The following UGT1A6 variants were observed in gnomAD, a reference collection of about 807,000 sequenced individuals.
UGT1A6 encodes the protein UDP-glucuronosyltransferase 1A6.
A neutral mutation model predicts 44.4 loss-of-function variants in UGT1A6; 32 were observed. That is an observed-to-expected ratio of 0.72 (90% CI 0.54 to 0.97). The LOEUF is 0.97. Ranked by LOEUF, UGT1A6 falls within the 50% of genes least tolerant of loss-of-function variation. The pLI is 0.00. For synonymous variants in UGT1A6, 238 were observed against 248.5 expected, an observed-to-expected ratio of 0.96 and a Z score of 0.40; for missense variants, 685 against 661.9, an observed-to-expected ratio of 1.03 and a Z score of -0.38.
intron 1 of UGT1A6, among the ~76,000 whole-genome samples, chr2:233,762,453 A>T (rs1302924421): frequency 6.6e-6 from 1 of 152,204 alleles, no homozygotes; most frequent in Non-Finnish European, 1.5e-5. Flanking sequence ...CTGCCCACTT[A>T]CCGATAATGT....
At chr2:233,755,150 C>A (rs1325253274) in intron 1 of UGT1A6, 1 of 1,299,090 alleles carries the variant, frequency 7.7e-7, no homozygotes, top group Non-Finnish European at 1.0e-6. Flanking sequence ...TCACCGCTTC[C>A]TCCCTGTCCT....
intron 1 of UGT1A6, among the ~76,000 whole-genome samples, chr2:233,703,815 T>A (rs2075754424): frequency 1.3e-5 from 2 of 150,786 alleles, no homozygotes; most frequent in African/African-American, 4.9e-5. Context: ...ATCTCTGTCT[T>A]TTAATTGAGT....
chr2:233,757,875 A>G (rs776201583), intron 1 of UGT1A6, among the ~76,000 whole-genome samples: 1 of 152,028 alleles, frequency 6.6e-6, no homozygotes, highest in Non-Finnish European at 1.5e-5. Flanking sequence ...AGTAGCTTCA[A>G]AAGGGTTCCA....
At chr2:233,743,824 G>C (rs757559777) in intron 1 of UGT1A6, 1 of 1,367,262 alleles carries the variant, frequency 7.3e-7, no homozygotes, top group Non-Finnish European at 9.8e-7. Flanking sequence ...TTTTGTCGGG[G>C]TGCCACTTGA....
At chr2:233,761,270 CTT>C in intron 1 of UGT1A6, 1 of 1,591,968 alleles carries the variant, frequency 6.3e-7, no homozygotes, top group Non-Finnish European at 8.6e-7. Context: ...AAAATGCCCT[CTT>C]TTGTTAATTT....
At chr2:233,737,925 G>A (rs1188589801) in intron 1 of UGT1A6, among the ~76,000 whole-genome samples, 1 of 152,078 alleles carries the variant, frequency 6.6e-6, no homozygotes, top group African/African-American at 2.4e-5. Context: ...AGTGTATTTA[G>A]TAGTGAGTCC....
chr2:233,753,155 C>G (rs1695142736), intron 1 of UGT1A6: 2 of 152,204 alleles, frequency 1.3e-5, no homozygotes, highest in South Asian at 4.1e-4. Context: ...TGTAAGTTCC[C>G]TTATCCGGAT....
chr2:233,721,250 A>G (rs1349740606), intron 1 of UGT1A6, among the ~76,000 whole-genome samples: 1 of 152,166 alleles, frequency 6.6e-6, no homozygotes, highest in East Asian at 1.9e-4. Context: ...TAAAAAATAT[A>G]TATGTTCTTT....
At chr2:233,747,784 C>A in intron 1 of UGT1A6, 1 of 1,613,530 alleles carries the variant, frequency 6.2e-7, no homozygotes, top group Non-Finnish European at 8.5e-7. Context: ...CCAAATCCTT[C>A]CTCCTATATT....
intron 1 of UGT1A6, among the ~76,000 whole-genome samples, chr2:233,704,774 T>A (rs2125597595): frequency 6.6e-6 from 1 of 152,284 alleles, no homozygotes; most frequent in Admixed American, 6.5e-5. Flanking sequence ...CGCTTCCATA[T>A]GTTATAGTCC....
chr2:233,743,650 G>T, intron 1 of UGT1A6: 1 of 1,367,276 alleles, frequency 7.3e-7, no homozygotes, highest in Non-Finnish European at 9.8e-7. Context: ...AGCTGAAGAC[G>T]TACTCGAAGG....
At chr2:233,732,087 T>G (rs2078235147) in intron 1 of UGT1A6, among the ~76,000 whole-genome samples, 1 of 152,220 alleles carries the variant, frequency 6.6e-6, no homozygotes, top group African/African-American at 2.4e-5. Flanking sequence ...TGTCTTCTTT[T>G]GAGAAGTGTC....
intron 1 of UGT1A6, chr2:233,747,510 T>C (rs1693700936): frequency 1.9e-6 from 3 of 1,608,048 alleles, no homozygotes; most frequent in Non-Finnish European, 2.6e-6. Flanking sequence ...CACTCAACTG[T>C]ACTTTGAAAC....
intron 1 of UGT1A6, 59 bp downstream of exon 1, chr2:233,693,924 C>T: frequency 6.2e-7 from 1 of 1,609,314 alleles, no homozygotes; most frequent in East Asian, 2.2e-5. Context: ...TCCTCCCTCA[C>T]TCATTTGGCT....
chr2:233,756,944 AC>A lies in UGT1A6; in HGVS notation c.862-10087del, dbSNP rs34531096. On this transcript the variant is annotated intron_variant, in intron 1 of 4. Transcript: ENST00000305139. ...ATAACCTCTAGTTACATAACCTGAA[AC>A]CCGGACTTGGCACTTGGTAAGCACG... 8.7e-4 allele frequency among the ~76,000 whole-genome samples: 132 copies of A among 152,140 alleles called. 1 individual carries two copies. The East Asian group carries it at 0.024, about 27-fold the overall frequency.
rs1437510882 is a variant in UGT1A6 at position 233,713,518 on chromosome 2, T to C, written c.861+19653T>C. On this transcript the variant is annotated intron_variant, in intron 1 of 4. Transcript: ENST00000305139. ...CCTGCTGTGTTTTTCTTGAGGAACA[T>C]TCCATGTGATTTAGACTTTAAGGGC... is the stretch of plus-strand genomic sequence containing the variant. 3 of 1,613,936 alleles carry C rather than the reference T, an allele frequency of 1.9e-6. No individual in the cohort carries two copies. In the South Asian group the frequency reaches 3.3e-5, roughly 18 times the overall value.
Position 233,748,080 on chromosome 2 carries a change from G to A in UGT1A6, c.862-18954G>A, listed in dbSNP as rs1693856955. The stretch of plus-strand genomic sequence containing the variant: ...TGCCAACAGGAAGCCACTATCTCAG[G>A]TCGGTGTTCGTGCCTTCATCCAATC... On this transcript the variant is annotated intron_variant, in intron 1 of 4. Transcript: ENST00000305139. The A allele has an allele frequency of 1.2e-5, 19 of 1,613,008 alleles. 1 individual carries two copies. In the Admixed American group the frequency reaches 3.2e-4, roughly 27 times the overall value.
At chr2:233,766,321 C>T (rs1182863859) in intron 1 of UGT1A6, among the ~76,000 whole-genome samples, 1 of 152,172 alleles carries the variant, frequency 6.6e-6, no homozygotes. Flanking sequence ...CTCAGCCAAA[C>T]TCCGCGTTGT....
chr2:233,725,495 C>A (rs1341757937), intron 1 of UGT1A6, among the ~76,000 whole-genome samples: 1 of 151,610 alleles, frequency 6.6e-6, no homozygotes, highest in Non-Finnish European at 1.5e-5. Flanking sequence ...AAAAAGAAAC[C>A]ACTGAAATTA....
Sources: allele counts gnomAD v4.1 joint callset (sites outside exome capture counted in the v4.1 genomes callset), GRCh38; gene constraint gnomAD v4.1.1; transcripts MANE v1.5; gene names NCBI Gene and HGNC (gene_info 2026-07-23, HGNC 2026-07-21).